Variants in TMBIM6 observed in about 807,000 individuals in gnomAD.
TMBIM6 encodes the protein transmembrane BAX inhibitor motif containing 6, also known as bax inhibitor 1.
A neutral mutation model predicts 31.4 loss-of-function variants in TMBIM6; 13 were observed. The ratio of observed to expected loss-of-function variants is 0.41; its 90% CI spans 0.27 to 0.66. The LOEUF is 0.66. TMBIM6 is among the 30% of genes least tolerant of loss of function. The pLI is 0.28. For missense variants in TMBIM6, 275 were observed against 289.5 expected, an observed-to-expected ratio of 0.95 and a Z score of 0.36; for synonymous variants, 85 against 101.7, an observed-to-expected ratio of 0.84 and a Z score of 0.99.
intron 2 of TMBIM6, 103 bp from the exon 3 acceptor site, chr12:49,752,870 A>G (rs2136944132): frequency 1.8e-6 from 2 of 1,083,214 alleles, no homozygotes; most frequent in East Asian, 2.4e-5. Context: ...TTGTAACAGA[A>G]CTTTTACATA....
chr12:49,749,958 G>A (rs1192341987), intron 1 of TMBIM6: 1 of 152,090 alleles, frequency 6.6e-6, no homozygotes, highest in Non-Finnish European at 1.5e-5. Flanking sequence ...GTAGTTACAT[G>A]TTTTGTTTTA....
chr12:49,741,704 T>C (rs1019568804), intron 1 of TMBIM6, 93 bp downstream of exon 1: 42 of 206,410 alleles, frequency 2.0e-4, no homozygotes, highest in Non-Finnish European at 4.0e-4. Flanking sequence ...GTAGCTTCCT[T>C]CTGCGGACAG....
intron 4 of TMBIM6, 126 bp from the exon 5 acceptor site, chr12:49,758,101 G>A: frequency 1.0e-6 from 1 of 976,998 alleles, no homozygotes; most frequent in Non-Finnish European, 1.6e-6. Context: ...AGGGGAGAGA[G>A]ATTTAATTCT....
At chr12:49,760,058 G>A (rs1945684307) in intron 8 of TMBIM6, among the ~76,000 whole-genome samples, 2 of 149,698 alleles carry the variant, frequency 1.3e-5, no homozygotes, top group Admixed American at 1.3e-4. Context: ...CTTGCAGTGA[G>A]CGGAGATTGC....
In TMBIM6 at chr12:49,762,854, G is replaced by A. The variant is rs765566915; in HGVS notation, c.691-19G>A. On this transcript the variant is annotated intron_variant, in intron 9 of 9. Transcript: ENST00000267115. Reference sequence around the variant, plus strand: ...TCAAATGTCAAAAAATTAATTGGGTGATTTTTCTCCATTTCTAGGATAAGA... The same window carrying A: ...TCAAATGTCAAAAAATTAATTGGGTAATTTTTCTCCATTTCTAGGATAAGA... 3.1e-6 allele frequency: 5 copies of A among 1,611,450 alleles called. No homozygotes were observed. The highest frequency in any genetic ancestry group is 2.7e-5 in the African/African-American group (2 of 74,870).
chr12:49,745,919 G>A (rs1043613933), intron 1 of TMBIM6, among the ~76,000 whole-genome samples: 8 of 152,108 alleles, frequency 5.3e-5, no homozygotes, highest in Admixed American at 2.6e-4. Context: ...AAGCTATAAT[G>A]TTTGGTAGGT....
chr12:49,745,078 C>T (rs1012604993), intron 1 of TMBIM6, among the ~76,000 whole-genome samples: 1 of 152,142 alleles, frequency 6.6e-6, no homozygotes, highest in Non-Finnish European at 1.5e-5. Context: ...AAGGGAGAGG[C>T]GGGGACATCT....
At chr12:49,761,978 T>G (rs1168798583) in intron 9 of TMBIM6, 199 bp downstream of exon 9, 1 of 547,664 alleles carries the variant, frequency 1.8e-6, no homozygotes, top group Non-Finnish European at 3.2e-6. Context: ...TTTTTTTAAC[T>G]AATTCCTGCG....
At chr12:49,761,982 T>C in intron 9 of TMBIM6, 1 of 541,654 alleles carries the variant, frequency 1.8e-6, no homozygotes, top group Non-Finnish European at 3.2e-6. Context: ...TTTAACTAAT[T>C]CCTGCGTTTA....
intron 4 of TMBIM6, among the ~76,000 whole-genome samples, chr12:49,757,041 T>G (rs982866210): frequency 1.3e-5 from 2 of 152,130 alleles, no homozygotes; most frequent in Non-Finnish European, 2.9e-5. Flanking sequence ...CCTAATTTTG[T>G]ATTTTAGTAG....
At position 49,747,297 on chromosome 12, in the gene TMBIM6, G is replaced by A. The variant is rs189893596; in HGVS notation, c.-30-5167G>A. On this transcript the variant is annotated intron_variant, in intron 1 of 9. Transcript: ENST00000267115. ...TTTTTTTGTTTTAATTTTATAAAAC[G>A]GTTTTGCTGTGTTGCCCAGGCTGGG... is the stretch of plus-strand genomic sequence containing the variant. Among the ~76,000 whole-genome samples, 13 of 152,054 alleles carry A rather than the reference G, an allele frequency of 8.5e-5. No homozygotes were observed. The East Asian group carries it at 2.1e-3, about 25-fold the overall frequency.
intron 1 of TMBIM6, among the ~76,000 whole-genome samples, chr12:49,745,724 C>CAAA (rs761232522): frequency 4.4e-5 from 5 of 114,124 alleles, no homozygotes; most frequent in African/African-American, 2.2e-4. Context: ...GACTCTGTCT[C>CAAA]AAAAAAAAAA....
At chr12:49,748,300 A>C (rs760233894) in intron 1 of TMBIM6, among the ~76,000 whole-genome samples, 4 of 152,120 alleles carry the variant, frequency 2.6e-5, no homozygotes, top group Non-Finnish European at 5.9e-5. Flanking sequence ...GATACCTAGA[A>C]CAAAACAAGG....
At chr12:49,760,364 C>T (rs1468669933) in intron 8 of TMBIM6, among the ~76,000 whole-genome samples, 1 of 152,052 alleles carries the variant, frequency 6.6e-6, no homozygotes, top group African/African-American at 2.4e-5. Flanking sequence ...AGTACTCCTG[C>T]CTCAGCCTCT....
At chr12:49,741,860 G>C (rs947547239) in intron 1 of TMBIM6, 3 of 458,332 alleles carry the variant, frequency 6.5e-6, no homozygotes, top group Admixed American at 4.1e-5. Flanking sequence ...GGTTTTGGGG[G>C]GTGTCGAGGC....
intron 1 of TMBIM6, chr12:49,743,688 G>C (rs910975046): frequency 6.6e-6 from 1 of 152,140 alleles, no homozygotes; most frequent in Non-Finnish European, 1.5e-5. Flanking sequence ...GTATGTTTTG[G>C]GAGGGTTTTT....
At chr12:49,747,474 A>G (rs182111175) in intron 1 of TMBIM6, among the ~76,000 whole-genome samples, 12 of 151,540 alleles carry the variant, frequency 7.9e-5, no homozygotes, top group African/African-American at 2.7e-4. Flanking sequence ...ACACCCAGCT[A>G]ATTTTTTAAT....
intron 1 of TMBIM6, among the ~76,000 whole-genome samples, chr12:49,746,516 T>C (rs1234964488): frequency 6.6e-6 from 1 of 152,206 alleles, no homozygotes; most frequent in East Asian, 1.9e-4. Flanking sequence ...ACTTTATTTG[T>C]ATTATCTCAC....
In TMBIM6 at chr12:49,755,651, C is replaced by T. The variant is rs762565269; in HGVS notation, c.182C>T (p.Ala61Val). The T allele has an allele frequency of 8.1e-6, 13 of 1,613,896 alleles. No homozygotes were observed. The highest frequency in any genetic ancestry group is 1.3e-5 in the African/African-American group (1 of 74,894). The change falls in exon 4 of 10, where the codon GCC becomes GTC. Residue 61 changes from alanine (A) to valine (V), a missense_variant. Transcript: ENST00000267115. ...THFIQAGLLS[A>V]LGSLILMIWL... Reference sequence around the variant, plus strand: ...CTCTAACAGGCTGGCCTGCTGTCTGCCTTGGGCTCCCTGATATTGATGATT... The same window carrying T: ...CTCTAACAGGCTGGCCTGCTGTCTGTCTTGGGCTCCCTGATATTGATGATT...
Sources: allele counts gnomAD v4.1 joint callset (sites outside exome capture counted in the v4.1 genomes callset), GRCh38; gene constraint gnomAD v4.1.1; transcripts MANE v1.5; gene names NCBI Gene and HGNC (gene_info 2026-07-23, HGNC 2026-07-21).